Variants in DNHD1 observed in about 807,000 individuals in gnomAD.
DNHD1 encodes dynein heavy chain domain 1, also known as dynein heavy chain domain-containing protein 1.
In DNHD1, 383 loss-of-function variants were observed where a neutral mutation model predicts 458.1. The observed-to-expected ratio is 0.84, with a 90% CI of 0.77 to 0.91. The LOEUF (loss-of-function observed/expected upper bound fraction) is 0.91. Among genes scored for constraint, DNHD1 ranks in the 40% least tolerant of loss-of-function variants. The pLI is 0.00. For missense variants in DNHD1, 5,336 were observed against 5,866.1 expected, an observed-to-expected ratio of 0.91 and a Z score of 2.95; for synonymous variants, 2,203 against 2,376.9, an observed-to-expected ratio of 0.93 and a Z score of 2.13.
At chr11:6,544,089 T>A in intron 18 of DNHD1, 32 bp from the exon 19 acceptor site, 1 of 1,493,232 alleles carries the variant, frequency 6.7e-7, no homozygotes, top group Non-Finnish European at 9.0e-7. Context: ...CCTTGCCTCA[T>A]CTGACTGCCA....
chr11:6,563,209 A>G, intron 29 of DNHD1, 78 bp downstream of exon 29: 2 of 1,541,420 alleles, frequency 1.3e-6, no homozygotes, highest in Non-Finnish European at 1.8e-6. Flanking sequence ...CCAAGAGGAG[A>G]GGATGGAGTG....
In DNHD1 at chr11:6,571,758, C is replaced by A. The variant is rs1325764686; in HGVS notation, c.14034C>A (p.Pro4678=). ...TGCAGGACAGTCCTTCCAGCCAACCCAGCCCTCTGCCTCCCGTCAGCATCA... is the reference window on the plus strand; with the variant it reads ...TGCAGGACAGTCCTTCCAGCCAACCAAGCCCTCTGCCTCCCGTCAGCATCA... ...GALQDSPSSQ[P]SPLPPVSIST... is the part of the protein sequence containing the mutation. The change falls in exon 43 of 43, where the codon CCC becomes CCA. Residue 4678 remains proline (P), a synonymous_variant. Transcript: ENST00000254579. This position sits in a 1 kb window ranked among gnomAD's most constrained non-coding sequence, Gnocchi z 5.0. The A allele has an allele frequency of 1.9e-5, 31 of 1,613,550 alleles. No individual in the cohort carries two copies. Among genetic ancestry groups the A allele is most frequent in the Non-Finnish European group, 2.5e-5 (29 of 1,179,746 alleles).
intron 14 of DNHD1, 134 bp downstream of exon 14, chr11:6,534,307 C>A: frequency 1.1e-6 from 1 of 919,620 alleles, no homozygotes; most frequent in Non-Finnish European, 1.6e-6. Context: ...TCACTGGTGT[C>A]TTTTATAAAT....
rs866235708 is a variant in DNHD1 at position 6,547,291 on chromosome 11, C to T, written c.6352C>T (p.Arg2118Ter). The T allele has an allele frequency of 2.7e-5, 42 of 1,551,672 alleles. No individual in the cohort carries two copies. Among genetic ancestry groups the T allele is most frequent in the East Asian group, 7.3e-5 (3 of 40,926 alleles). Residue 2118 changes from arginine to a stop codon, truncating the protein, a stop_gained, in exon 21 of 43, where the codon CGA (arginine) becomes TGA (stop). Coordinates refer to ENST00000254579, the MANE Select transcript of DNHD1 (RefSeq NM_144666.3). LOFTEE classifies it high-confidence loss of function. ...TCTCCCCAGTGGACAGCAGATAGCA[C>T]GACCCCCAGGCACCTTTCTCTTGAT... ...LSLPSGQQIA[R>*]PPGTFLLMEV...
At chr11:6,534,648 A>G (rs1336600205) in intron 14 of DNHD1, among the ~76,000 whole-genome samples, 6 of 152,210 alleles carry the variant, frequency 3.9e-5, no homozygotes, top group Admixed American at 3.9e-4. Context: ...GGAGGAGGCC[A>G]GGACAGAACT....
At chr11:6,551,803 T>C (rs539530652) in intron 24 of DNHD1, among the ~76,000 whole-genome samples, 10 of 152,120 alleles carry the variant, frequency 6.6e-5, no homozygotes, top group Admixed American at 2.6e-4. Context: ...TAGCTGGGCA[T>C]GGTGGCATGT....
Position 6,534,248 on chromosome 11 carries a change from G to A in DNHD1, c.2998+75G>A, listed in dbSNP as rs1057029553. 4.1e-6 allele frequency: 6 copies of A among 1,451,086 alleles called. No individual in the cohort carries two copies. In the African/African-American group the frequency reaches 8.5e-5, roughly 20 times the overall value. 89.9% of individuals were successfully genotyped at this position (1,451,086 alleles called of 1,614,324 possible). A position where few individuals can be genotyped will look rare whatever the true frequency, so the allele number is the denominator to read the frequency against. ...AACTGAAGTAAGAGTTGGAACTCAG[G>A]GTTCTGTGTCCTGTATGACCCCAAG... On this transcript the variant is annotated intron_variant, in intron 14 of 42. Transcript: ENST00000254579.
At chr11:6,518,538 A>G (rs1852539406) in intron 7 of DNHD1, among the ~76,000 whole-genome samples, 1 of 152,182 alleles carries the variant, frequency 6.6e-6, no homozygotes, top group African/African-American at 2.4e-5. Flanking sequence ...TTTTACAAAC[A>G]TTTACTGTGG....
Position 6,544,107 on chromosome 11 carries a change from T to C in DNHD1, c.3629-14T>C. 3.2e-6 allele frequency: 5 copies of C among 1,551,170 alleles called. No individual in the cohort carries two copies. Among genetic ancestry groups the C allele is most frequent in the Non-Finnish European group, 4.4e-6 (5 of 1,146,726 alleles). On this transcript the variant is annotated splice_polypyrimidine_tract_variant and intron_variant, in intron 18 of 42. Coordinates refer to ENST00000254579, the MANE Select transcript of DNHD1 (RefSeq NM_144666.3). ...TGCCTCATCTGACTGCCAGTTCAGCTTTTTCTGTCTTAGATTACAGCAACC... is the reference window on the plus strand; with the variant it reads ...TGCCTCATCTGACTGCCAGTTCAGCCTTTTCTGTCTTAGATTACAGCAACC...
intron 35 of DNHD1, 39 bp from the exon 36 acceptor site, chr11:6,566,856 G>A (rs1262459737): frequency 6.2e-7 from 1 of 1,601,226 alleles, no homozygotes; most frequent in Non-Finnish European, 8.5e-7. Context: ...GGGGTCTGTG[G>A]GAAAGGGCCA....
intron 18 of DNHD1, among the ~76,000 whole-genome samples, chr11:6,543,788 C>T (rs1255174783): frequency 6.6e-6 from 1 of 151,686 alleles, no homozygotes; most frequent in African/African-American, 2.4e-5. Flanking sequence ...GGTGAAACCC[C>T]GTCTCTACTA....
intron 7 of DNHD1, among the ~76,000 whole-genome samples, chr11:6,512,711 C>G (rs1852370809): frequency 1.3e-5 from 2 of 152,104 alleles, no homozygotes; most frequent in Non-Finnish European, 2.9e-5. Flanking sequence ...TGTCTTCCTT[C>G]TCACCTTTAA....
intron 7 of DNHD1, among the ~76,000 whole-genome samples, chr11:6,515,094 T>C (rs767516545): frequency 6.6e-6 from 1 of 152,258 alleles, no homozygotes; most frequent in Non-Finnish European, 1.5e-5. Flanking sequence ...GATCCCTTCA[T>C]GTGGGTTGAG....
In DNHD1 at chr11:6,548,029, C is replaced by A. The variant is rs1368775343; in HGVS notation, c.6894C>A (p.His2298Gln). The A allele has an allele frequency of 6.4e-7, 1 of 1,551,602 alleles. No homozygotes were observed. The highest frequency in any genetic ancestry group is 8.7e-7 in the Non-Finnish European group (1 of 1,147,016). The change falls in exon 22 of 43, where the codon CAC (histidine) becomes CAA (glutamine). Residue 2298 changes from histidine (H) to glutamine (Q), a missense_variant. This residue lies in a region of DNHD1 where 3,932 missense variants were observed against 4,365.6 expected (regional missense o/e 0.90). Coordinates refer to ENST00000254579, the MANE Select transcript of DNHD1 (RefSeq NM_144666.3). This position sits in a 1 kb window ranked among gnomAD's most constrained non-coding sequence, Gnocchi z 4.4. ...CCTTGATCTGGGGCTTTGGAGCCCA[C>A]CTTCCCTCCAGGTACCTACCAGGAT... ...LFALIWGFGA[H>Q]LPSRFWPIFD...
intron 10 of DNHD1, among the ~76,000 whole-genome samples, chr11:6,521,203 A>G (rs973763320): frequency 1.3e-5 from 2 of 152,248 alleles, no homozygotes; most frequent in African/African-American, 4.8e-5. Flanking sequence ...ATTAAAAGAG[A>G]TAATATGTCT....
chr11:6,519,562 A>G (rs1239745076), intron 7 of DNHD1, 38 bp from the exon 8 acceptor site: 1 of 1,610,128 alleles, frequency 6.2e-7, no homozygotes, highest in Non-Finnish European at 8.5e-7. Flanking sequence ...TTTGCTCTCC[A>G]TCCCCCTATC....
In DNHD1 at chr11:6,544,056, C is replaced by T. The variant is rs1853155332; in HGVS notation, c.3629-65C>T. ...TCTCCTGGAAGGTTCCCCTGGTCTC[C>T]TCTTCTCTCCCCCAGCCCCGGCCCT... On this transcript the variant is annotated intron_variant, in intron 18 of 42. Transcript: ENST00000254579. The T allele has an allele frequency of 5.9e-6, 9 of 1,530,800 alleles. No homozygotes were observed. The Admixed American group carries it at 1.4e-4, about 24-fold the overall frequency. The allele number at this position is 1,530,800 out of a possible 1,614,324, so 94.8% of individuals were successfully genotyped here. A position where few individuals can be genotyped will look rare whatever the true frequency, so the allele number is the denominator to read the frequency against.
chr11:6,533,023 C>T lies in DNHD1; in HGVS notation c.2348-4C>T, dbSNP rs775962525. 1.3e-6 allele frequency: 2 copies of T among 1,551,326 alleles called. No individual in the cohort carries two copies. Among genetic ancestry groups the T allele is most frequent in the East Asian group, 2.4e-5 (1 of 40,934 alleles). On this transcript the variant is annotated splice_region_variant and splice_polypyrimidine_tract_variant and intron_variant, in intron 12 of 42. Coordinates refer to ENST00000254579, the MANE Select transcript of DNHD1 (RefSeq NM_144666.3). ...CCCCTCACACCTTACTCTCCTGTCT[C>T]CAGAATCCAAGCTGAACAGCATAAG...
At position 6,547,013 on chromosome 11, in the gene DNHD1, C is replaced by T; in HGVS notation, c.6074C>T (p.Pro2025Leu). 4 of 1,551,620 alleles carry T rather than the reference C, an allele frequency of 2.6e-6. No individual in the cohort carries two copies. The highest frequency in any genetic ancestry group is 3.5e-6 in the Non-Finnish European group (4 of 1,146,930). ...GACACCTCAACCCAAGGCTGCCAGC[C>T]TGTGGAAATTACCCACCTGTACCCC... ...MEDTSTQGCQ[P>L]VEITHLYPSG... The change falls in exon 21 of 43, where the codon CCT (proline) becomes CTT (leucine). Residue 2025 changes from proline (P) to leucine (L), a missense_variant. This residue lies in a region of DNHD1 where 3,932 missense variants were observed against 4,365.6 expected (regional missense o/e 0.90). Coordinates refer to ENST00000254579, the MANE Select transcript of DNHD1 (RefSeq NM_144666.3).
Sources: allele counts gnomAD v4.1 joint callset (sites outside exome capture counted in the v4.1 genomes callset), GRCh38; gene constraint gnomAD v4.1.1; regional missense constraint gnomAD v4.1.1; non-coding constraint Gnocchi (gnomAD v3.1); transcripts MANE v1.5; gene names NCBI Gene and HGNC (gene_info 2026-07-23, HGNC 2026-07-21).